Variants in DDX11 observed in about 807,000 individuals in gnomAD.
The protein encoded by DDX11 is ATP-dependent DNA helicase DDX11.
Under a neutral mutation model 125.2 loss-of-function variants are expected in DDX11, and 72 were observed. That is an observed-to-expected ratio of 0.58 (90% confidence interval 0.48 to 0.70). The LOEUF (loss-of-function observed/expected upper bound fraction) is 0.70. Ranked by LOEUF, DDX11 falls within the 30% of genes least tolerant of loss-of-function variation. The probability of loss-of-function intolerance (pLI) is 0.00; values close to 1 mark genes in which losing one functional copy is unlikely to be tolerated. For synonymous variants in DDX11, 347 were observed against 452.6 expected, an observed-to-expected ratio of 0.77 and a Z score of 2.96; for missense variants, 883 against 1,165.0, an observed-to-expected ratio of 0.76 and a Z score of 3.52.
chr12:31,074,226 C>T (rs928990847), intron 1 of DDX11, 135 bp downstream of exon 1: 2 of 122,834 alleles, frequency 1.6e-5, no homozygotes, highest in Admixed American at 1.7e-4. Context: ...GGGCGGTGCG[C>T]AGAAGTGGGC....
In DDX11 at chr12:31,083,859, A is replaced by G; in HGVS notation, c.191A>G (p.Asp64Gly). Residue 64 changes from aspartate to glycine, a missense_variant, in exon 3 of 27, where the codon GAC becomes GGC. Coordinates refer to ENST00000542838, the MANE Select transcript of DDX11 (RefSeq NM_030653.4). ...LICGALSWLR[D>G]FEQKKREEEA... is the part of the protein sequence containing the mutation. ...TGTGGGGCCCTCTCTTGGCTCCGTGACTTTGAACAGAAGAAGCGTGAAGAA... is the reference window on the plus strand; with the variant it reads ...TGTGGGGCCCTCTCTTGGCTCCGTGGCTTTGAACAGAAGAAGCGTGAAGAA... The G allele has an allele frequency of 6.2e-7, 1 of 1,612,584 alleles. No homozygotes were observed. Among genetic ancestry groups the G allele is most frequent in the East Asian group, 2.2e-5 (1 of 44,880 alleles).
At chr12:31,095,158 C>T (rs1437638650) in intron 14 of DDX11, among the ~76,000 whole-genome samples, 4 of 151,284 alleles carry the variant, frequency 2.6e-5, no homozygotes, top group East Asian at 1.9e-4. Context: ...ACCCCTGTCA[C>T]GTCTTCCCAC....
In DDX11 at chr12:31,078,484, T is replaced by C; in HGVS notation, c.91T>C (p.Tyr31His). The C allele has an allele frequency of 1.2e-6, 2 of 1,611,784 alleles. No homozygotes were observed. Among genetic ancestry groups the C allele is most frequent in the Non-Finnish European group, 1.7e-6 (2 of 1,179,750 alleles). ...SIQEDFMAEL[Y>H]RVLEAGKIGI... ...CCAGGAAGACTTCATGGCAGAGCTG[T>C]ACCGGGTTTTGGAGGCTGGCAAGAT... Residue 31 changes from tyrosine (Y) to histidine (H), a missense_variant, in exon 2 of 27, where the codon TAC (tyrosine) becomes CAC (histidine). Around this residue, in one of 5 missense-constraint regions of DDX11, gnomAD observed 283 missense variants for 359.6 expected, o/e 0.79. Transcript: ENST00000542838.
chr12:31,101,407 T>A (rs1946357445), intron 20 of DDX11: 7 of 541,494 alleles, frequency 1.3e-5, no homozygotes, highest in Middle Eastern at 5.0e-4. Flanking sequence ...AAGCTGCTAG[T>A]TCCCTTTGGC....
chr12:31,099,080 CTTTCTTTTTTTTTT>C (rs1945889304), intron 18 of DDX11, among the ~76,000 whole-genome samples: 1 of 81,328 alleles, frequency 1.2e-5, no homozygotes, highest in Non-Finnish European at 2.2e-5. Context: ...TTCTTTCTTT[CTTTCTTTTTTTTTT>C]TTTTTTTTTT....
intron 1 of DDX11, among the ~76,000 whole-genome samples, chr12:31,077,780 C>G (rs2140393510): frequency 1.3e-5 from 2 of 150,400 alleles, no homozygotes; most frequent in African/African-American, 4.9e-5. Flanking sequence ...GGAGGCGGAG[C>G]GTGCAGTGAG....
At chr12:31,080,277 G>C (rs1941625159) in intron 2 of DDX11, among the ~76,000 whole-genome samples, 1 of 151,642 alleles carries the variant, frequency 6.6e-6, no homozygotes, top group Admixed American at 6.6e-5. Flanking sequence ...CGGTCTTCCG[G>C]GAGGTGGTCT....
In DDX11 at chr12:31,078,483, G is replaced by C. The variant is rs145236589; in HGVS notation, c.90G>C (p.Leu30=). 9.3e-4 allele frequency: 1,504 copies of C among 1,611,730 alleles called. 20 individuals carry two copies. In the African/African-American group the frequency reaches 0.018, roughly 19 times the overall value. ...YSIQEDFMAE[L]YRVLEAGKIG... ...TCCAGGAAGACTTCATGGCAGAGCT[G>C]TACCGGGTTTTGGAGGCTGGCAAGA... Residue 30 remains leucine, a synonymous_variant, in exon 2 of 27, where the codon CTG becomes CTC. Transcript: ENST00000542838.
intron 23 of DDX11, 149 bp downstream of exon 23, chr12:31,102,676 G>A: frequency 1.4e-6 from 1 of 739,492 alleles, no homozygotes; most frequent in South Asian, 1.6e-5. Flanking sequence ...GAGGGGCTCA[G>A]CAGCTCTGGG....
chr12:31,094,499 A>T, intron 12 of DDX11, 91 bp from the exon 13 acceptor site: 3 of 1,522,174 alleles, frequency 2.0e-6, no homozygotes, highest in Non-Finnish European at 2.7e-6. Context: ...TGCTCTTCTT[A>T]CTTGATGTGC....
intron 8 of DDX11, 44 bp from the exon 9 acceptor site, chr12:31,089,842 G>C: frequency 6.2e-7 from 1 of 1,608,482 alleles, no homozygotes; most frequent in South Asian, 1.1e-5. Context: ...GTGGACAGTT[G>C]CTGTCCTCTC....
intron 19 of DDX11, 61 bp from the exon 20 acceptor site, chr12:31,100,966 C>A: frequency 2.1e-6 from 3 of 1,456,030 alleles, no homozygotes; most frequent in Non-Finnish European, 2.9e-6. Flanking sequence ...AATGCCCTCT[C>A]TGCAGTGTCT....
At chr12:31,082,946 C>G (rs888355133) in intron 2 of DDX11, among the ~76,000 whole-genome samples, 3 of 152,160 alleles carry the variant, frequency 2.0e-5, no homozygotes, top group African/African-American at 7.2e-5. Flanking sequence ...TCCACGTGTC[C>G]CCTTTCCAAT....
chr12:31,090,746 A>G (rs1944064702), intron 9 of DDX11, among the ~76,000 whole-genome samples: 1 of 152,248 alleles, frequency 6.6e-6, no homozygotes, highest in Non-Finnish European at 1.5e-5. Context: ...AAAATTCTGT[A>G]TAATCCAGAA....
At chr12:31,083,718 C>T (rs1942471619) in intron 2 of DDX11, 95 bp from the exon 3 acceptor site, 4 of 1,457,214 alleles carry the variant, frequency 2.7e-6, no homozygotes, top group Admixed American at 3.4e-5. Flanking sequence ...CTATGTACAG[C>T]CAGACCTTCT....
chr12:31,099,963 T>C (rs1460916820), intron 18 of DDX11, among the ~76,000 whole-genome samples: 1 of 152,224 alleles, frequency 6.6e-6, no homozygotes, highest in Non-Finnish European at 1.5e-5. Context: ...AGAAGGCATC[T>C]TAGTCAGTTG....
intron 18 of DDX11, 32 bp downstream of exon 18, chr12:31,098,029 C>T (rs1374243037): frequency 1.3e-6 from 2 of 1,584,266 alleles, no homozygotes; most frequent in African/African-American, 2.7e-5. Flanking sequence ...CCTCGTGCCC[C>T]AGGTGTTGGG....
chr12:31,094,750 C>T lies in DDX11; in HGVS notation c.1415-5C>T, dbSNP rs563573274. The T allele has an allele frequency of 6.2e-6, 10 of 1,611,960 alleles. No homozygotes were observed. In the South Asian group the frequency reaches 1.1e-4, roughly 18 times the overall value. Reference sequence around the variant, plus strand: ...TCCCAAGGCCCTTCATGTGTTTGTTCTCAGGGACGGAGCTGAAGACCATCA... The same window carrying T: ...TCCCAAGGCCCTTCATGTGTTTGTTTTCAGGGACGGAGCTGAAGACCATCA... On this transcript the variant is annotated splice_region_variant and splice_polypyrimidine_tract_variant and intron_variant, in intron 13 of 26. Transcript: ENST00000542838.
chr12:31,099,076 C>CTTTTTTTTT (rs1945864738), intron 18 of DDX11, among the ~76,000 whole-genome samples: 4 of 60,554 alleles, frequency 6.6e-5, no homozygotes, highest in African/African-American at 1.6e-4. Context: ...GTATTTCTTT[C>CTTTTTTTTT]TTTCTTTCTT....
Sources: allele counts gnomAD v4.1 joint callset (sites outside exome capture counted in the v4.1 genomes callset), GRCh38; gene constraint gnomAD v4.1.1; regional missense constraint gnomAD v4.1.1; transcripts MANE v1.5; gene names NCBI Gene and HGNC (gene_info 2026-07-23, HGNC 2026-07-21).